The following POU1F1 variants were observed in gnomAD, a reference collection of about 807,000 sequenced individuals.
POU1F1 encodes the protein pituitary-specific positive transcription factor 1.
Under a neutral mutation model 32.3 loss-of-function variants are expected in POU1F1, and 23 were observed. The observed-to-expected ratio is 0.71, with a 90% CI of 0.51 to 1.01. The LOEUF is 1.01. Among genes scored for constraint, POU1F1 ranks in the 50% least tolerant of loss-of-function variants. The probability of loss-of-function intolerance (pLI) is 0.00; values close to 1 mark genes in which losing one functional copy is unlikely to be tolerated. For missense variants in POU1F1, 323 were observed against 341.6 expected, an observed-to-expected ratio of 0.95 and a Z score of 0.43; for synonymous variants, 120 against 115.6, an observed-to-expected ratio of 1.04 and a Z score of -0.25.
intron 2 of POU1F1, among the ~76,000 whole-genome samples, chr3:87,269,669 A>T (rs1006067946): frequency 2.0e-5 from 3 of 152,182 alleles, no homozygotes; most frequent in African/African-American, 7.2e-5. Flanking sequence ...GGCAGCAAGA[A>T]TATTTTCAGC....
rs1706795686 is a variant in POU1F1, at chr3:87,274,740, T to C, written c.143-1322A>G. ...TAATAGTTCCTTAGACAATTAGATG[T>C]ATATGATTCAAATTTCATTAAAAAA... On this transcript the variant is annotated intron_variant, in intron 1 of 5. Coordinates refer to ENST00000350375, the MANE Select transcript of POU1F1 (RefSeq NM_000306.4). Among the ~76,000 whole-genome samples the C allele has an allele frequency of 6.6e-5, 10 of 151,786 alleles. No homozygotes were observed. In the South Asian group the frequency reaches 2.1e-3, roughly 32 times the overall value.
chr3:87,261,896 C>T (rs1706520521), intron 4 of POU1F1, among the ~76,000 whole-genome samples, 175 bp downstream of exon 4: 1 of 151,976 alleles, frequency 6.6e-6, no homozygotes, highest in South Asian at 2.1e-4. Flanking sequence ...TTACATTGCC[C>T]TTCCTTTTTT....
chr3:87,269,191 T>C (rs1301486473), intron 2 of POU1F1, among the ~76,000 whole-genome samples: 1 of 152,224 alleles, frequency 6.6e-6, no homozygotes, highest in African/African-American at 2.4e-5. Flanking sequence ...CTCTTGTGCA[T>C]TGGTAAATCC....
At chr3:87,274,232 A>G (rs1004973511) in intron 1 of POU1F1, among the ~76,000 whole-genome samples, 2 of 152,176 alleles carry the variant, frequency 1.3e-5, no homozygotes, top group East Asian at 1.9e-4. Flanking sequence ...CAGGAAATCA[A>G]TGTGTATTTT....
At chr3:87,274,992 T>C (rs1706799664) in intron 1 of POU1F1, among the ~76,000 whole-genome samples, 1 of 151,968 alleles carries the variant, frequency 6.6e-6, no homozygotes, top group African/African-American at 2.4e-5. Flanking sequence ...TTCTGAATTG[T>C]ATTTTCATGC....
At chr3:87,271,777 AG>A (rs752116309) in intron 2 of POU1F1, among the ~76,000 whole-genome samples, 2 of 152,158 alleles carry the variant, frequency 1.3e-5, no homozygotes, top group Non-Finnish European at 2.9e-5. Flanking sequence ...TCAGAGAGGA[AG>A]AAAAAATATG....
At chr3:87,260,236 G>A (rs1289128803) in intron 5 of POU1F1, 132 bp from the exon 6 acceptor site, 2 of 698,318 alleles carry the variant, frequency 2.9e-6, no homozygotes, top group Non-Finnish European at 5.0e-6. Flanking sequence ...GAACACACTT[G>A]CAGGACACTT....
intron 1 of POU1F1, 129 bp downstream of exon 1, chr3:87,276,192 C>A (rs1706821977): frequency 8.3e-7 from 1 of 1,207,464 alleles, no homozygotes; most frequent in East Asian, 2.3e-5. Context: ...ATGCTTACTT[C>A]ACTTAAGACA....
At chr3:87,274,671 A>G (rs1484517289) in intron 1 of POU1F1, among the ~76,000 whole-genome samples, 2 of 151,652 alleles carry the variant, frequency 1.3e-5, no homozygotes, top group East Asian at 3.9e-4. Context: ...TTATCATTAA[A>G]CATATTTAAT....
chr3:87,266,173 T>C (rs1341320531), intron 2 of POU1F1, among the ~76,000 whole-genome samples: 3 of 148,344 alleles, frequency 2.0e-5, no homozygotes, highest in Non-Finnish European at 4.5e-5. Flanking sequence ...AAATTGTTGG[T>C]TTATATTTTT....
intron 2 of POU1F1, 41 bp downstream of exon 2, chr3:87,273,306 G>A: frequency 6.4e-7 from 1 of 1,570,326 alleles, no homozygotes; most frequent in East Asian, 2.2e-5. Flanking sequence ...CCATCTAAGT[G>A]TCCCCAAATT....
At chr3:87,276,178 C>T in intron 1 of POU1F1, 143 bp downstream of exon 1, 2 of 1,046,364 alleles carry the variant, frequency 1.9e-6, no homozygotes, top group East Asian at 2.4e-5. Context: ...TTTAGATATG[C>T]TTAATGCTTA....
intron 3 of POU1F1, 77 bp downstream of exon 3, chr3:87,264,211 C>G: frequency 8.8e-7 from 1 of 1,140,440 alleles, no homozygotes; most frequent in Non-Finnish European, 1.3e-6. Context: ...TACTTTTTAG[C>G]AATATATAAG....
rs370744962 is a variant in POU1F1 at position 87,259,711 on chromosome 3, GTAAA to G, written c.*179_*182del. The stretch of plus-strand genomic sequence containing the variant: ...TGGCTTCTGAGAATAATTATTTTAA[GTAAA>G]TAACATCAATATAATTTAAATTGTT... On this transcript the variant is annotated 3_prime_UTR_variant, in exon 6 of 6. Coordinates refer to ENST00000350375, the MANE Select transcript of POU1F1 (RefSeq NM_000306.4). 38 of 596,706 alleles carry G rather than the reference GTAAA, an allele frequency of 6.4e-5. No homozygotes were observed. Among genetic ancestry groups the G allele is most frequent in the African/African-American group, 5.0e-4 (27 of 53,768 alleles). 37.0% of individuals were successfully genotyped at this position (596,706 alleles called of 1,614,324 possible). A position where few individuals can be genotyped will look rare whatever the true frequency, so the allele number is the denominator to read the frequency against.
At chr3:87,273,753 G>C (rs1287930427) in intron 1 of POU1F1, among the ~76,000 whole-genome samples, 1 of 152,138 alleles carries the variant, frequency 6.6e-6, no homozygotes, top group Non-Finnish European at 1.5e-5. Context: ...GACCAATTTA[G>C]ACCTTGGCCC....
In POU1F1 at chr3:87,268,726, G is replaced by A. The variant is rs374131998; in HGVS notation, c.215-4214C>T. 4.9e-4 allele frequency among the ~76,000 whole-genome samples: 74 copies of A among 152,250 alleles called. 1 individual carries two copies. The highest frequency in any genetic ancestry group is 1.5e-3 in the African/African-American group (64 of 41,556). On this transcript the variant is annotated intron_variant, in intron 2 of 5. Transcript: ENST00000350375. Reference sequence around the variant, plus strand: ...ATGGATAAAGAAAAATTATCTTGAGGCCTGGACAGCACACACACACATAGC... The same window carrying A: ...ATGGATAAAGAAAAATTATCTTGAGACCTGGACAGCACACACACACATAGC...
chr3:87,264,151 A>G (rs931594039), intron 3 of POU1F1, 137 bp downstream of exon 3: 6 of 709,410 alleles, frequency 8.5e-6, no homozygotes, highest in East Asian at 2.7e-5. Flanking sequence ...GAGGATTTCC[A>G]TAACGACTAA....
At chr3:87,273,808 T>C (rs1302169366) in intron 1 of POU1F1, among the ~76,000 whole-genome samples, 1 of 152,180 alleles carries the variant, frequency 6.6e-6, no homozygotes. Context: ...AATGCAGACA[T>C]TGCAACTCGC....
Position 87,264,322 on chromosome 3 carries a change from A to G in POU1F1, c.405T>C (p.Phe135=). ...DSPEIRELEK[F]ANEFKVRRIK... ...TTCGTCTCACTTTAAATTCATTGGCAAACTTTTCAAGTTCTCTGATTTCTG... is the reference window on the plus strand; with the variant it reads ...TTCGTCTCACTTTAAATTCATTGGCGAACTTTTCAAGTTCTCTGATTTCTG... Residue 135 remains phenylalanine, a synonymous_variant, in exon 3 of 6, where the codon TTT becomes TTC. Transcript: ENST00000350375. The G allele has an allele frequency of 6.2e-7, 1 of 1,613,852 alleles. No individual in the cohort carries two copies. Among genetic ancestry groups the G allele is most frequent in the Non-Finnish European group, 8.5e-7 (1 of 1,179,814 alleles).
Sources: allele counts gnomAD v4.1 joint callset (sites outside exome capture counted in the v4.1 genomes callset), GRCh38; gene constraint gnomAD v4.1.1; transcripts MANE v1.5; gene names NCBI Gene and HGNC (gene_info 2026-07-23, HGNC 2026-07-21).